PUS7: variants seen among roughly 807,000 people sequenced by gnomAD.
PUS7 encodes pseudouridylate synthase 7 homolog.
In PUS7, 48 loss-of-function variants were observed where a neutral mutation model predicts 79.8. The ratio of observed to expected loss-of-function variants is 0.60; its 90% CI spans 0.48 to 0.76. The LOEUF (loss-of-function observed/expected upper bound fraction) is 0.76. Among genes scored for constraint, PUS7 ranks in the 30% least tolerant of loss-of-function variants. The probability of loss-of-function intolerance (pLI) is 0.00; values close to 1 mark genes in which losing one functional copy is unlikely to be tolerated. For synonymous variants in PUS7, 286 were observed against 272.2 expected, an observed-to-expected ratio of 1.05 and a Z score of -0.50; for missense variants, 729 against 797.6, an observed-to-expected ratio of 0.91 and a Z score of 1.04.
At chr7:105,458,012 A>G in intron 15 of PUS7, 86 bp from the exon 16 acceptor site, 1 of 1,475,870 alleles carries the variant, frequency 6.8e-7, no homozygotes, top group Admixed American at 2.1e-5. Flanking sequence ...AGCAAATACA[A>G]AGAACTGTGC....
At chr7:105,465,708 C>G (rs574796228) in intron 12 of PUS7, among the ~76,000 whole-genome samples, 1 of 152,258 alleles carries the variant, frequency 6.6e-6, no homozygotes, top group East Asian at 1.9e-4. Flanking sequence ...TGGCGCATGC[C>G]TGTAATCCCA....
intron 9 of PUS7, 90 bp downstream of exon 9, chr7:105,480,962 G>T: frequency 7.1e-7 from 1 of 1,408,358 alleles, no homozygotes; most frequent in South Asian, 1.4e-5. Context: ...AGACATGGGA[G>T]AACGTAGAAA....
intron 5 of PUS7, among the ~76,000 whole-genome samples, chr7:105,495,687 G>C (rs778848613): frequency 1.3e-5 from 2 of 152,220 alleles, no homozygotes; most frequent in Non-Finnish European, 2.9e-5. Flanking sequence ...GGAGGTTGTA[G>C]TGAACCGAGA....
chr7:105,480,914 T>C lies in PUS7; in HGVS notation c.1175+138A>G, dbSNP rs1025705993. ...TTTTTTACCCTGTGCACTCATTAACTTAAAACAAAAATCATGAAACTGTGG... is the reference window on the plus strand; with the variant it reads ...TTTTTTACCCTGTGCACTCATTAACCTAAAACAAAAATCATGAAACTGTGG... On this transcript the variant is annotated intron_variant, in intron 9 of 15. Transcript: ENST00000469408. 1.5e-5 allele frequency: 16 copies of C among 1,091,852 alleles called. 1 individual carries two copies. The African/African-American group carries it at 2.4e-4, about 16-fold the overall frequency. The allele number at this position is 1,091,852 out of a possible 1,614,324, so 67.6% of individuals were successfully genotyped here. A position where few individuals can be genotyped will look rare whatever the true frequency, so the allele number is the denominator to read the frequency against.
chr7:105,506,509 G>A (rs1236767779), intron 2 of PUS7, among the ~76,000 whole-genome samples: 3 of 150,392 alleles, frequency 2.0e-5, no homozygotes, highest in East Asian at 1.9e-4. Context: ...TGCAACCTCC[G>A]CCTCCTGGGT....
At chr7:105,501,898 T>C (rs1428060190) in intron 5 of PUS7, among the ~76,000 whole-genome samples, 6 of 146,982 alleles carry the variant, frequency 4.1e-5, no homozygotes, top group African/African-American at 1.0e-4. Flanking sequence ...GAGCTTGCAG[T>C]GAGCCGAGAT....
At chr7:105,474,248 C>G (rs900922810) in intron 9 of PUS7, among the ~76,000 whole-genome samples, 1 of 152,156 alleles carries the variant, frequency 6.6e-6, no homozygotes, top group Admixed American at 6.6e-5. Flanking sequence ...GATGACATCA[C>G]CTGGATTTTC....
intron 1 of PUS7, among the ~76,000 whole-genome samples, chr7:105,509,184 CAAAAAAAAAAA>C (rs57095427): frequency 1.4e-4 from 8 of 55,714 alleles, no homozygotes; most frequent in South Asian, 1.1e-3. Context: ...GACTCCATCT[CAAAAAAAAAAA>C]AAAAAAAAAA....
chr7:105,465,374 G>GT lies in PUS7; in HGVS notation c.1565dup (p.Tyr522Ter), dbSNP rs1246791586. ...AGGGCATTACCACATCATGGATAGA[G>GT]TAATTATTAACATCATCTTCCTCAA... ...TYIEEDDVNN[Y>*]SIHDVVMPLP... The change falls in exon 13 of 16, where the codon TAC (tyrosine) becomes TAAC (stop). Residue 522 changes from tyrosine (Y) to a stop codon, truncating the protein, a stop_gained and frameshift_variant. Coordinates refer to ENST00000469408, the MANE Select transcript of PUS7 (RefSeq NM_019042.5). LOFTEE classifies it high-confidence loss of function. The GT allele has an allele frequency of 1.2e-6, 2 of 1,613,490 alleles. No individual in the cohort carries two copies. Among genetic ancestry groups the GT allele is most frequent in the Admixed American group, 3.3e-5 (2 of 59,988 alleles).
intron 1 of PUS7, among the ~76,000 whole-genome samples, chr7:105,515,195 A>G (rs1220234329): frequency 2.0e-5 from 3 of 152,130 alleles, no homozygotes; most frequent in Admixed American, 6.6e-5. Context: ...ACCCATAACT[A>G]TTACACCTTC....
At chr7:105,482,152 CT>C (rs1443335500) in intron 8 of PUS7, among the ~76,000 whole-genome samples, 159 bp downstream of exon 8, 2 of 152,190 alleles carry the variant, frequency 1.3e-5, no homozygotes, top group African/African-American at 4.8e-5. Context: ...ACAGAGGTAT[CT>C]GCTCTCCCAG....
intron 4 of PUS7, 26 bp downstream of exon 4, chr7:105,505,929 T>C: frequency 6.4e-7 from 1 of 1,552,858 alleles, no homozygotes; most frequent in Non-Finnish European, 8.8e-7. Context: ...CCTAAATAAT[T>C]TTTCATATAT....
At chr7:105,512,144 CAAAAAAAAAAAAAA>C (rs59884368) in intron 1 of PUS7, among the ~76,000 whole-genome samples, 1 of 68,826 alleles carries the variant, frequency 1.5e-5, no homozygotes, top group Non-Finnish European at 2.5e-5. Context: ...GATTCTGTCT[CAAAAAAAAAAAAAA>C]AAAAAAAAAA....
chr7:105,461,073 C>T (rs546832542), intron 14 of PUS7, among the ~76,000 whole-genome samples: 2 of 152,094 alleles, frequency 1.3e-5, no homozygotes, highest in South Asian at 2.1e-4. Flanking sequence ...TGCTATGTTG[C>T]GGAGGCAGGT....
intron 6 of PUS7, 103 bp from the exon 7 acceptor site, chr7:105,491,720 A>G (rs1272848976): frequency 3.0e-6 from 2 of 676,508 alleles, no homozygotes; most frequent in East Asian, 2.9e-5. Flanking sequence ...ACTTACAATC[A>G]TAACACAGTA....
At chr7:105,485,141 C>A (rs1018038501) in intron 7 of PUS7, among the ~76,000 whole-genome samples, 1 of 152,002 alleles carries the variant, frequency 6.6e-6, no homozygotes, top group African/African-American at 2.4e-5. Flanking sequence ...AGGGGTCAGC[C>A]ACCACACCTG....
chr7:105,459,515 G>A (rs1260210503), intron 14 of PUS7, among the ~76,000 whole-genome samples: 5 of 150,460 alleles, frequency 3.3e-5, no homozygotes, highest in South Asian at 4.2e-4. Context: ...TTGGCTCACT[G>A]CAACCTCTGC....
chr7:105,493,696 G>A (rs1005485686), intron 6 of PUS7, among the ~76,000 whole-genome samples: 1 of 152,086 alleles, frequency 6.6e-6, no homozygotes, highest in South Asian at 2.1e-4. Context: ...GAGGAAATGG[G>A]GACACACACA....
chr7:105,464,819 T>A (rs967759560), intron 13 of PUS7, among the ~76,000 whole-genome samples: 6 of 148,486 alleles, frequency 4.0e-5, no homozygotes, highest in Admixed American at 6.7e-5. Flanking sequence ...TTCCCTTTTT[T>A]TTTTTTTTTT....
Sources: gnomAD v4.1 joint callset for allele counts (sites outside exome capture counted in the v4.1 genomes callset) on GRCh38, gnomAD v4.1.1 for gene constraint, MANE v1.5 for transcripts, NCBI Gene and HGNC (gene_info 2026-07-23, HGNC 2026-07-21) for gene names.